TEX15: variants seen among roughly 807,000 people sequenced by gnomAD.
TEX15 encodes the protein testis expressed 15, meiosis and synapsis associated.
Under a neutral mutation model 237.3 loss-of-function variants are expected in TEX15, and 171 were observed. The ratio of observed to expected loss-of-function variants is 0.72; its 90% CI spans 0.64 to 0.82. The LOEUF is 0.82. TEX15 is among the 40% of genes least tolerant of loss of function. The pLI is 0.00. For synonymous variants in TEX15, 1,338 were observed against 1,269.8 expected, an observed-to-expected ratio of 1.05 and a Z score of -1.14; for missense variants, 3,750 against 3,646.5, an observed-to-expected ratio of 1.03 and a Z score of -0.73.
In TEX15 at chr8:30,844,060, C is replaced by A; in HGVS notation, c.6107G>T (p.Arg2036Ile). 1 of 1,611,764 alleles carries A rather than the reference C, an allele frequency of 6.2e-7. No individual in the cohort carries two copies. The highest frequency in any genetic ancestry group is 1.3e-5 in the African/African-American group (1 of 74,892). ...ILPLFVEAFE[R>I]KQECSVEQIL... Reference sequence around the variant, plus strand: ...TTGTTCAACTGAACATTCTTGCTTTCTTTCAAAAGCTTCCACAAATAAAGG... The same window carrying A: ...TTGTTCAACTGAACATTCTTGCTTTATTTCAAAAGCTTCCACAAATAAAGG... The change falls in exon 8 of 11, where the codon AGA becomes ATA. Residue 2036 changes from arginine (R) to isoleucine (I), a missense_variant. Coordinates refer to ENST00000643185, the MANE Select transcript of TEX15 (RefSeq NM_001350162.2).
intron 3 of TEX15, among the ~76,000 whole-genome samples, chr8:30,876,093 G>A (rs1287787437): frequency 1.3e-5 from 2 of 152,148 alleles, no homozygotes; most frequent in East Asian, 3.9e-4. Context: ...TGGGATTACA[G>A]ACAAGAGCCA....
rs755526476 is a variant in TEX15 at position 30,842,136 on chromosome 8, C to A, written c.8031G>T (p.Leu2677Phe). Reference sequence around the variant, plus strand: ...TGTTTATGCACTCTGATACTGGGGGCAACATCGTAGAAATACTAAATTTAT... The same window carrying A: ...TGTTTATGCACTCTGATACTGGGGGAAACATCGTAGAAATACTAAATTTAT... ...NNNKFSISTM[L>F]PPVSECINKN... Residue 2677 changes from leucine (L) to phenylalanine (F), a missense_variant, in exon 8 of 11, where the codon TTG becomes TTT. Transcript: ENST00000643185. 3 of 1,613,164 alleles carry A rather than the reference C, an allele frequency of 1.9e-6. No homozygotes were observed. The highest frequency in any genetic ancestry group is 3.3e-5 in the Admixed American group (2 of 59,956).
chr8:30,858,932 T>C, intron 6 of TEX15, 102 bp from the exon 7 acceptor site: 1 of 760,342 alleles, frequency 1.3e-6, no homozygotes, highest in Non-Finnish European at 1.9e-6. Flanking sequence ...ATTTATATAC[T>C]TCCATATAAA....
At position 30,846,881 on chromosome 8, in the gene TEX15, G is replaced by A. The variant is rs778406162; in HGVS notation, c.3286C>T (p.Leu1096=). The A allele has an allele frequency of 6.2e-7, 1 of 1,613,840 alleles. No homozygotes were observed. The highest frequency in any genetic ancestry group is 1.7e-5 in the Admixed American group (1 of 60,002). Reference sequence around the variant, plus strand: ...CCTTCCCAACTGATACGAGACTTCAGAGCCTTATATGAGGTCACAAATTCT... The same window carrying A: ...CCTTCCCAACTGATACGAGACTTCAAAGCCTTATATGAGGTCACAAATTCT... ...CEEFVTSYKA[L]KSRISWEGLL... The change falls in exon 8 of 11, where the codon CTG becomes TTG. Residue 1096 remains leucine (L), a synonymous_variant. Transcript: ENST00000643185.
chr8:30,887,287 T>C lies in TEX15; in HGVS notation c.16A>G (p.Thr6Ala), dbSNP rs1368318789. The change falls in exon 3 of 11, where the codon ACT (threonine) becomes GCT (alanine). Residue 6 changes from threonine to alanine, a missense_variant. Thr to Ala is a moderately conservative substitution (Grantham distance 58). Coordinates refer to ENST00000643185, the MANE Select transcript of TEX15 (RefSeq NM_001350162.2). MEMKE[T>A]AKQDTLWQMS... ...TGCCACAGTGTATCCTGTTTAGCAG[T>C]TTCTTTCATTTCCATTTTGTTGGCC... The C allele has an allele frequency of 2.0e-6, 3 of 1,529,270 alleles. No individual in the cohort carries two copies. The highest frequency in any genetic ancestry group is 1.4e-5 in the African/African-American group (1 of 72,720). The allele number at this position is 1,529,270 out of a possible 1,614,324, so 94.7% of individuals were successfully genotyped here.
intron 3 of TEX15, among the ~76,000 whole-genome samples, chr8:30,884,935 TTTC>T (rs1189086542): frequency 6.6e-6 from 1 of 152,200 alleles, no homozygotes; most frequent in Admixed American, 6.5e-5. Context: ...ATTTTAGATA[TTTC>T]TTGTTTTCTA....
chr8:30,845,279 T>G lies in TEX15; in HGVS notation c.4888A>C (p.Ser1630Arg). The change falls in exon 8 of 11, where the codon AGT becomes CGT. Residue 1630 changes from serine (S) to arginine (R), a missense_variant. Coordinates refer to ENST00000643185, the MANE Select transcript of TEX15 (RefSeq NM_001350162.2). ...LSCIKENINS[S>R]TGNDCDATCI... is the part of the protein sequence containing the mutation. ...GTTGCATCACAATCGTTGCCTGTAC[T>G]AGAATTTATGTTTTCTTTTATGCAA... The G allele has an allele frequency of 1.2e-6, 2 of 1,613,320 alleles. No homozygotes were observed. The highest frequency in any genetic ancestry group is 1.7e-6 in the Non-Finnish European group (2 of 1,179,500).
At chr8:30,858,918 T>A in intron 6 of TEX15, 88 bp from the exon 7 acceptor site, 1 of 862,702 alleles carries the variant, frequency 1.2e-6, no homozygotes, top group Admixed American at 3.3e-5. Context: ...TATAATTGCA[T>A]ATTATTTATA....
intron 1 of TEX15, among the ~76,000 whole-genome samples, chr8:30,901,385 A>C: frequency 6.6e-6 from 1 of 152,222 alleles, no homozygotes; most frequent in East Asian, 1.9e-4. Flanking sequence ...CAAGAAAAAA[A>C]GGCTTACAGA....
rs1807969242 is a variant in TEX15 at position 30,858,723 on chromosome 8, A to C, written c.795T>G (p.Asn265Lys). ...TVKFLGSKVDNGRLMTSLRFL... is the reference protein window; with the variant it reads ...TVKFLGSKVDKGRLMTSLRFL... The stretch of plus-strand genomic sequence containing the variant: ...ATCTCAAAGATGTCATAAGGCGTCC[A>C]TTATCTACTTTTGAACCAAGAAATT... Residue 265 changes from asparagine to lysine, a missense_variant, in exon 7 of 11, where the codon AAT becomes AAG. Physicochemically the swap from Asn to Lys is moderately conservative, Grantham distance 94. Transcript: ENST00000643185. 2.0e-6 allele frequency: 3 copies of C among 1,535,938 alleles called. No homozygotes were observed. The highest frequency in any genetic ancestry group is 3.3e-4 in the Middle Eastern group (2 of 5,988).
chr8:30,838,131 A>C, intron 9 of TEX15, 70 bp from the exon 10 acceptor site: 1 of 1,341,200 alleles, frequency 7.5e-7, no homozygotes, highest in Non-Finnish European at 1.0e-6. Flanking sequence ...ATGGAAATAT[A>C]TATTTGAAAT....
At chr8:30,840,385 G>A (rs1807423837) in intron 8 of TEX15, among the ~76,000 whole-genome samples, 1 of 152,034 alleles carries the variant, frequency 6.6e-6, no homozygotes, top group Admixed American at 6.6e-5. Context: ...TAGTAGAGAT[G>A]GGGATTCACT....
intron 7 of TEX15, among the ~76,000 whole-genome samples, chr8:30,856,390 C>CAA (rs1002132684): frequency 6.7e-6 from 1 of 149,984 alleles, no homozygotes; most frequent in South Asian, 2.1e-4. Context: ...CCTGTCTCTA[C>CAA]AAAAAAAAAT....
Position 30,844,700 on chromosome 8 carries a change from C to G in TEX15, c.5467G>C (p.Asp1823His). Residue 1823 changes from aspartate (D) to histidine (H), a missense_variant, in exon 8 of 11, where the codon GAT becomes CAT. Physicochemically the swap from Asp to His is moderately conservative, Grantham distance 81. Transcript: ENST00000643185. ...SSSDSSLLLKDNVKGSSSETC... is the reference protein window; with the variant it reads ...SSSDSSLLLKHNVKGSSSETC... ...TCTGAAGAGGAGCCTTTTACATTAT[C>G]TTTTAAAAGCAGAGAACTATCACTG... 1 of 1,613,192 alleles carries G rather than the reference C, an allele frequency of 6.2e-7. No individual in the cohort carries two copies. The highest frequency in any genetic ancestry group is 8.5e-7 in the Non-Finnish European group (1 of 1,179,562).
chr8:30,883,026 C>G (rs912070242), intron 3 of TEX15, among the ~76,000 whole-genome samples: 2 of 152,260 alleles, frequency 1.3e-5, no homozygotes, highest in East Asian at 3.9e-4. Flanking sequence ...CCACCTTGGC[C>G]TTCCAAAGTG....
In TEX15 at chr8:30,860,581, T is replaced by C. The variant is rs1563253541; in HGVS notation, c.541-524A>G. Among the ~76,000 whole-genome samples the C allele has an allele frequency of 6.6e-5, 10 of 150,504 alleles. No homozygotes were observed. The South Asian group carries it at 2.1e-3, about 32-fold the overall frequency. ...GAATCTACTTTTTTTTTTTTTTTTTTTGAGACAGAGTCTCACTCTGTCACC... is the reference window on the plus strand; with the variant it reads ...GAATCTACTTTTTTTTTTTTTTTTTCTGAGACAGAGTCTCACTCTGTCACC... On this transcript the variant is annotated intron_variant, in intron 5 of 10. Transcript: ENST00000643185.
intron 1 of TEX15, among the ~76,000 whole-genome samples, chr8:30,901,912 G>A (rs1360504685): frequency 2.6e-5 from 4 of 152,174 alleles, no homozygotes; most frequent in Non-Finnish European, 5.9e-5. Context: ...CACTGGCTAC[G>A]CAAGCTGGGG....
At position 30,839,965 on chromosome 8, in the gene TEX15, CTG is replaced by C. The variant is rs1563229748; in HGVS notation, c.8164-3_8164-2del. The C allele has an allele frequency of 6.3e-7, 1 of 1,586,062 alleles. No individual in the cohort carries two copies. Reference sequence around the variant, plus strand: ...TTTTTGTGACATCTTTCATGTCTACCTGTGTTTAAAAGATACAAAGAAAATCT... The same window carrying C: ...TTTTTGTGACATCTTTCATGTCTACCTGTTTAAAAGATACAAAGAAAATCT... On this transcript the variant is annotated splice_acceptor_variant and splice_polypyrimidine_tract_variant and intron_variant, in intron 8 of 10. Coordinates refer to ENST00000643185, the MANE Select transcript of TEX15 (RefSeq NM_001350162.2). LOFTEE classifies it high-confidence loss of function.
intron 4 of TEX15, among the ~76,000 whole-genome samples, chr8:30,868,353 AC>A (rs2128771982): frequency 6.6e-6 from 1 of 152,150 alleles, no homozygotes; most frequent in African/African-American, 2.4e-5. Context: ...AGAAATTGCC[AC>A]ATCAGGTGGT....
Sources: allele counts gnomAD v4.1 joint callset (sites outside exome capture counted in the v4.1 genomes callset), GRCh38; gene constraint gnomAD v4.1.1; transcripts MANE v1.5; gene names NCBI Gene and HGNC (gene_info 2026-07-23, HGNC 2026-07-21).